BABAM2: variants seen among roughly 807,000 people sequenced by gnomAD.
BABAM2 encodes the protein BRISC and BRCA1 A complex member 2.
In BABAM2, 31 loss-of-function variants were observed where a neutral mutation model predicts 54.7. That is an observed-to-expected ratio of 0.57 (90% CI 0.43 to 0.77). The LOEUF (loss-of-function observed/expected upper bound fraction) is 0.77, where lower values mean the gene tolerates loss of function less well. BABAM2 is among the 30% of genes least tolerant of loss of function. The probability of loss-of-function intolerance (pLI) is 0.00; values close to 1 mark genes in which losing one functional copy is unlikely to be tolerated. For synonymous variants in BABAM2, 167 were observed against 162.9 expected (o/e 1.03, Z -0.19); for missense variants, 364 against 455.8 (o/e 0.80, Z 1.83).
intron 10 of BABAM2, among the ~76,000 whole-genome samples, chr2:28,251,140 T>A (rs1683443412): frequency 6.6e-6 from 1 of 152,230 alleles, no homozygotes; most frequent in Admixed American, 6.5e-5. Flanking sequence ...TTTCTGTATT[T>A]GTCTTTAACT....
At chr2:28,170,816 A>G (rs563068780) in intron 7 of BABAM2, among the ~76,000 whole-genome samples, 1 of 152,324 alleles carries the variant, frequency 6.6e-6, no homozygotes, top group South Asian at 2.1e-4. Flanking sequence ...TTTGCAAGAA[A>G]TTAATTTCTC....
At chr2:27,917,014 C>CTTTTTTT (rs753765833) in intron 2 of BABAM2, among the ~76,000 whole-genome samples, 4 of 90,108 alleles carry the variant, frequency 4.4e-5, no homozygotes, top group African/African-American at 8.2e-5. Flanking sequence ...TCACTCCAAA[C>CTTTTTTT]TTTTTTTTTT....
chr2:27,922,720 T>C (rs1316448606), intron 2 of BABAM2, among the ~76,000 whole-genome samples: 2 of 152,234 alleles, frequency 1.3e-5, no homozygotes, highest in East Asian at 3.8e-4. Flanking sequence ...TTGTTACTGC[T>C]ATATTCCTAG....
At position 28,175,171 on chromosome 2, in the gene BABAM2, A is replaced by C. The variant is rs75033316; in HGVS notation, c.680+45791A>C. On this transcript the variant is annotated intron_variant, in intron 7 of 11. Transcript: ENST00000379624. ...CCACAGCTGTCACCATTAGGAACCGAAGCTTATGCTCCCCAGAGCCTGAGA... is the reference window on the plus strand; with the variant it reads ...CCACAGCTGTCACCATTAGGAACCGCAGCTTATGCTCCCCAGAGCCTGAGA... Among the ~76,000 whole-genome samples the C allele has an allele frequency of 8.6e-4, 131 of 152,196 alleles. 1 individual carries two copies. The East Asian group carries it at 0.019, about 22-fold the overall frequency.
At chr2:27,933,771 T>TTG (rs1558598595) in intron 3 of BABAM2, among the ~76,000 whole-genome samples, 3 of 148,204 alleles carry the variant, frequency 2.0e-5, no homozygotes, top group Admixed American at 1.3e-4. Flanking sequence ...CTTGTTTTTT[T>TTG]TTTTTTTTTT....
intron 4 of BABAM2, among the ~76,000 whole-genome samples, chr2:27,998,919 C>A (rs1305831812): frequency 6.6e-6 from 1 of 152,118 alleles, no homozygotes; most frequent in African/African-American, 2.4e-5. Context: ...AGATAGAGAA[C>A]CAACCTTTCA....
chr2:28,158,658 A>G (rs1411817184), intron 7 of BABAM2, among the ~76,000 whole-genome samples: 1 of 152,172 alleles, frequency 6.6e-6, no homozygotes, highest in Non-Finnish European at 1.5e-5. Flanking sequence ...TGGAAGTCAA[A>G]TTCCTTCTTT....
intron 7 of BABAM2, among the ~76,000 whole-genome samples, chr2:28,160,090 TC>T (rs1211369892): frequency 6.6e-6 from 1 of 152,110 alleles, no homozygotes; most frequent in African/African-American, 2.4e-5. Context: ...CAAGTGATCC[TC>T]CTCCATGAGC....
chr2:28,298,266 A>T, intron 10 of BABAM2, 72 bp from the exon 11 acceptor site: 17 of 1,506,104 alleles, frequency 1.1e-5, no homozygotes, highest in Middle Eastern at 1.8e-4. Context: ...TAACATTCGG[A>T]TTTAGTCAAA....
chr2:27,974,932 T>C (rs1333114569), intron 3 of BABAM2, among the ~76,000 whole-genome samples: 1 of 152,094 alleles, frequency 6.6e-6, no homozygotes, highest in Non-Finnish European at 1.5e-5. Flanking sequence ...CCTATTTCTT[T>C]ATACTAGCAA....
chr2:28,337,025 G>C (rs551724748), intron 11 of BABAM2, among the ~76,000 whole-genome samples: 8 of 152,238 alleles, frequency 5.3e-5, no homozygotes, highest in African/African-American at 1.4e-4. Flanking sequence ...GAAATGGACT[G>C]TGGGAGGTTC....
chr2:27,969,350 T>A (rs1573291817), intron 3 of BABAM2, among the ~76,000 whole-genome samples: 1 of 151,210 alleles, frequency 6.6e-6, no homozygotes, highest in African/African-American at 2.4e-5. Context: ...AGTGAGGGGG[T>A]GGGGAAGAGA....
chr2:28,298,719 A>G (rs115451856), intron 11 of BABAM2, among the ~76,000 whole-genome samples: 2 of 152,218 alleles, frequency 1.3e-5, no homozygotes, highest in Non-Finnish European at 2.9e-5. Context: ...CCTAGAAAAC[A>G]AAAAATATTT....
chr2:28,147,390 T>C (rs1671590018), intron 7 of BABAM2, among the ~76,000 whole-genome samples: 1 of 152,200 alleles, frequency 6.6e-6, no homozygotes, highest in Non-Finnish European at 1.5e-5. Context: ...AGATTTTTTT[T>C]CCTCCCCTTA....
At chr2:28,107,727 A>G (rs1257520995) in intron 6 of BABAM2, among the ~76,000 whole-genome samples, 1 of 152,110 alleles carries the variant, frequency 6.6e-6, no homozygotes, top group East Asian at 1.9e-4. Flanking sequence ...TATTGTAACA[A>G]TTTCAGCCTA....
At chr2:28,244,630 C>T (rs1005981058) in intron 9 of BABAM2, 150 bp from the exon 10 acceptor site, 6 of 648,792 alleles carry the variant, frequency 9.2e-6, no homozygotes, top group Admixed American at 5.8e-5. Context: ...ACCCCAGGCC[C>T]TTCCTGCATT....
intron 2 of BABAM2, among the ~76,000 whole-genome samples, chr2:27,925,003 C>T (rs1456132440): frequency 1.3e-5 from 2 of 152,178 alleles, no homozygotes; most frequent in Admixed American, 6.5e-5. Context: ...TTCCCTTGAG[C>T]ACTTTGGCTC....
chr2:27,992,507 A>G (rs953952128), intron 4 of BABAM2, among the ~76,000 whole-genome samples: 11 of 152,212 alleles, frequency 7.2e-5, no homozygotes, highest in African/African-American at 2.7e-4. Flanking sequence ...GTATATAATT[A>G]AAATGTTGGA....
rs1380972391 is a variant in BABAM2, at chr2:28,129,388, T to C, written c.680+8T>C. ...GTCACCTCGAATTGAGCAGTAAGTG[T>C]CATTAACATGAGGTAGCCTGGTGCT... On this transcript the variant is annotated splice_region_variant and intron_variant, in intron 7 of 11. Transcript: ENST00000379624. 1 of 1,604,226 alleles carries C rather than the reference T, an allele frequency of 6.2e-7. No individual in the cohort carries two copies. The highest frequency in any genetic ancestry group is 1.1e-5 in the South Asian group (1 of 90,848).
Sources: gnomAD v4.1 joint callset for allele counts (sites outside exome capture counted in the v4.1 genomes callset) on GRCh38, gnomAD v4.1.1 for gene constraint, MANE v1.5 for transcripts, NCBI Gene and HGNC (gene_info 2026-07-23, HGNC 2026-07-21) for gene names.